CCSER1: variants seen among roughly 807,000 people sequenced by gnomAD.
CCSER1 encodes coiled-coil serine rich protein 1.
A neutral mutation model predicts 82.0 loss-of-function variants in CCSER1; 41 were observed. The observed-to-expected ratio is 0.50, with a 90% confidence interval of 0.39 to 0.65. The LOEUF (loss-of-function observed/expected upper bound fraction) is 0.65. Among genes scored for constraint, CCSER1 ranks in the 30% least tolerant of loss-of-function variants. CCSER1 has a pLI of 0.00. For missense variants in CCSER1, 1,119 were observed against 1,064.2 expected (o/e 1.05, Z -0.72); for synonymous variants, 414 against 383.9 (o/e 1.08, Z -0.92).
At chr4:90,553,672 A>T (rs1431963375) in intron 5 of CCSER1, among the ~76,000 whole-genome samples, 1 of 152,220 alleles carries the variant, frequency 6.6e-6, no homozygotes, top group East Asian at 1.9e-4. Context: ...TTGGTTATAA[A>T]TAATCTTATT....
intron 5 of CCSER1, among the ~76,000 whole-genome samples, chr4:90,538,140 C>T (rs1775649706): frequency 6.6e-6 from 1 of 152,004 alleles, no homozygotes; most frequent in South Asian, 2.1e-4. Context: ...TTTTATTTTT[C>T]TAGTTATTGT....
intron 10 of CCSER1, among the ~76,000 whole-genome samples, chr4:91,439,633 G>T (rs1258473151): frequency 2.0e-5 from 3 of 151,540 alleles, no homozygotes; most frequent in East Asian, 2.0e-4. Context: ...TAAATGTAAA[G>T]GGACTAAATG....
intron 6 of CCSER1, among the ~76,000 whole-genome samples, chr4:90,639,839 C>T (rs529951169): frequency 5.3e-5 from 8 of 152,188 alleles, no homozygotes; most frequent in Non-Finnish European, 8.8e-5. Flanking sequence ...ATTAATGTGT[C>T]TGTACATCCA....
At chr4:90,451,107 G>A (rs1199051354) in intron 4 of CCSER1, among the ~76,000 whole-genome samples, 1 of 152,164 alleles carries the variant, frequency 6.6e-6, no homozygotes, top group East Asian at 1.9e-4. Context: ...TCCAAGCACA[G>A]TGAAGATAGT....
At position 90,205,625 on chromosome 4, in the gene CCSER1, C is replaced by T. The variant is rs546375906; in HGVS notation, c.-42+77794C>T. The stretch of plus-strand genomic sequence containing the variant: ...AATATTTTATTGAGGATTTTTGCAT[C>T]GATGTTCATCAGGGATATTGGCCTG... On this transcript the variant is annotated intron_variant, in intron 1 of 10. Coordinates refer to ENST00000509176, the MANE Select transcript of CCSER1 (RefSeq NM_001145065.2). Among the ~76,000 whole-genome samples, 11 of 152,166 alleles carry T rather than the reference C, an allele frequency of 7.2e-5. 1 individual carries two copies. The South Asian group carries it at 1.2e-3, about 17-fold the overall frequency.
At chr4:91,127,459 A>G (rs985150432) in intron 10 of CCSER1, among the ~76,000 whole-genome samples, 1 of 152,054 alleles carries the variant, frequency 6.6e-6, no homozygotes, top group African/African-American at 2.4e-5. Flanking sequence ...TATCATTCAC[A>G]CAGAGATCAA....
chr4:91,433,212 TAAC>T (rs1244440269), intron 10 of CCSER1, among the ~76,000 whole-genome samples: 5 of 152,208 alleles, frequency 3.3e-5, no homozygotes, highest in Non-Finnish European at 7.3e-5. Flanking sequence ...GTGTGCCATG[TAAC>T]AACATTTCAG....
At chr4:90,356,238 T>G in intron 3 of CCSER1, among the ~76,000 whole-genome samples, 1 of 151,988 alleles carries the variant, frequency 6.6e-6, no homozygotes, top group Non-Finnish European at 1.5e-5. Flanking sequence ...TTATAACGTC[T>G]AATATTTTAA....
intron 8 of CCSER1, among the ~76,000 whole-genome samples, chr4:90,820,727 C>T (rs1381622177): frequency 6.7e-6 from 1 of 149,012 alleles, no homozygotes; most frequent in Non-Finnish European, 1.5e-5. Context: ...ATTTATATAA[C>T]TGTATTATAT....
chr4:90,574,326 T>G (rs1167756522), intron 5 of CCSER1, among the ~76,000 whole-genome samples: 3 of 139,516 alleles, frequency 2.2e-5, no homozygotes, highest in Non-Finnish European at 4.5e-5. Flanking sequence ...CGGACTGCAG[T>G]GGCGCAATCT....
At chr4:90,415,951 C>T (rs1755719875) in intron 4 of CCSER1, among the ~76,000 whole-genome samples, 1 of 152,182 alleles carries the variant, frequency 6.6e-6, no homozygotes, top group Non-Finnish European at 1.5e-5. Flanking sequence ...GTAGGTTGTA[C>T]ATAATCATTG....
chr4:90,269,488 G>A (rs1365944606), intron 1 of CCSER1, among the ~76,000 whole-genome samples: 1 of 151,880 alleles, frequency 6.6e-6, no homozygotes, highest in Non-Finnish European at 1.5e-5. Flanking sequence ...TGAAACAATT[G>A]ATAATGAAAA....
intron 10 of CCSER1, among the ~76,000 whole-genome samples, chr4:91,476,753 A>C: frequency 6.6e-6 from 1 of 151,772 alleles, no homozygotes; most frequent in African/African-American, 2.4e-5. Flanking sequence ...ACTCAGAAAT[A>C]AATCTTACTC....
chr4:90,928,493 G>A (rs1351166359), intron 9 of CCSER1, among the ~76,000 whole-genome samples: 1 of 152,096 alleles, frequency 6.6e-6, no homozygotes, highest in Non-Finnish European at 1.5e-5. Context: ...CATGGAGCTT[G>A]CAACTGGTGA....
intron 10 of CCSER1, among the ~76,000 whole-genome samples, chr4:91,139,385 C>T (rs1351700914): frequency 6.6e-6 from 1 of 152,026 alleles, no homozygotes; most frequent in Non-Finnish European, 1.5e-5. Context: ...CATCCTTCTT[C>T]AGAACAACAA....
rs555444020 is a variant in CCSER1 at position 90,913,064 on chromosome 4, G to T, written c.2095-10306G>T. ...ATGGAACCAAGTTGGAAAACACTCT[G>T]CAGGATATTATCCAGGAGAACTTCC... On this transcript the variant is annotated intron_variant, in intron 8 of 10. Coordinates refer to ENST00000509176, the MANE Select transcript of CCSER1 (RefSeq NM_001145065.2). Among the ~76,000 whole-genome samples, 6 of 152,332 alleles carry T rather than the reference G, an allele frequency of 3.9e-5. No individual in the cohort carries two copies. In the South Asian group the frequency reaches 1.2e-3, roughly 32 times the overall value.
intron 10 of CCSER1, among the ~76,000 whole-genome samples, chr4:91,543,283 A>G (rs1043247225): frequency 1.3e-5 from 2 of 152,090 alleles, no homozygotes; most frequent in Non-Finnish European, 2.9e-5. Flanking sequence ...TTTTAATTGG[A>G]GCATTTATCC....
In CCSER1 at chr4:91,602,920, C is replaced by A. The variant is rs1764863606; in HGVS notation, c.*3863C>A. On this transcript the variant is annotated 3_prime_UTR_variant, in exon 11 of 11. Coordinates refer to ENST00000509176, the MANE Select transcript of CCSER1 (RefSeq NM_001145065.2). ...TTTATTTAGGCATTATTATCAGATC[C>A]TGTTATGTATTTTCATATGCATATA... Among the ~76,000 whole-genome samples the A allele has an allele frequency of 6.6e-6, 1 of 151,984 alleles. No individual in the cohort carries two copies. Among genetic ancestry groups the A allele is most frequent in the Non-Finnish European group, 1.5e-5 (1 of 67,938 alleles).
chr4:91,520,379 C>A (rs1251498018), intron 10 of CCSER1, among the ~76,000 whole-genome samples: 1 of 149,614 alleles, frequency 6.7e-6, no homozygotes, highest in Non-Finnish European at 1.5e-5. Context: ...GCCAGGGCAA[C>A]TGGCCTGAGA....
Sources: allele counts gnomAD v4.1 joint callset (sites outside exome capture counted in the v4.1 genomes callset), GRCh38; gene constraint gnomAD v4.1.1; transcripts MANE v1.5; gene names NCBI Gene and HGNC (gene_info 2026-07-23, HGNC 2026-07-21).